FOXP1: variants seen among roughly 807,000 people sequenced by gnomAD.
The protein encoded by FOXP1 is forkhead box P1, also known as forkhead box protein P1.
FOXP1 carries 15 observed loss-of-function variants against 98.2 expected under a neutral mutation model. That is an observed-to-expected ratio of 0.15 (90% CI 0.10 to 0.24). The LOEUF (loss-of-function observed/expected upper bound fraction) is 0.24, where lower values mean the gene tolerates loss of function less well. Ranked by LOEUF, FOXP1 falls within the 10% of genes least tolerant of loss-of-function variation. The pLI is 1.00. For missense variants in FOXP1, 633 were observed against 848.5 expected, an observed-to-expected ratio of 0.75 and a Z score of 3.15; for synonymous variants, 371 against 314.5, an observed-to-expected ratio of 1.18 and a Z score of -1.90.
intron 5 of FOXP1, among the ~76,000 whole-genome samples, chr3:71,214,139 C>T (rs573702383): frequency 6.6e-6 from 1 of 152,216 alleles, no homozygotes; most frequent in Admixed American, 6.5e-5. Flanking sequence ...GAGGCAAGTC[C>T]AGCTCTGGCT....
intron 5 of FOXP1, among the ~76,000 whole-genome samples, chr3:71,227,118 A>G (rs1393400576): frequency 6.6e-6 from 1 of 152,102 alleles, no homozygotes; most frequent in Admixed American, 6.5e-5. Context: ...ACTGACACAC[A>G]GTGGCTCAGA....
chr3:71,232,983 C>T (rs11715940), intron 5 of FOXP1, among the ~76,000 whole-genome samples: 1 of 146,800 alleles, frequency 6.8e-6, no homozygotes, highest in Non-Finnish European at 1.5e-5. Context: ...ACTACTACTA[C>T]TAATAATAAT....
intron 6 of FOXP1, 186 bp downstream of exon 6, chr3:71,198,016 C>G: frequency 1.2e-6 from 2 of 1,614,250 alleles, no homozygotes; most frequent in Non-Finnish European, 8.5e-7. Context: ...TGAAATTAGT[C>G]TCTTAAGCCA....
chr3:71,064,798 G>C (rs888189390), intron 7 of FOXP1: 7 of 984,846 alleles, frequency 7.1e-6, no homozygotes, highest in Non-Finnish European at 8.4e-6. Context: ...GAGCGAAACC[G>C]GCAAAGATCA....
intron 3 of FOXP1, among the ~76,000 whole-genome samples, chr3:71,429,440 C>A (rs903345432): frequency 7.8e-6 from 1 of 127,428 alleles, no homozygotes; most frequent in Non-Finnish European, 1.5e-5. Flanking sequence ...GGCAGCGAGG[C>A]GGAACTCAGC....
chr3:71,425,631 G>C (rs748106121), intron 3 of FOXP1, among the ~76,000 whole-genome samples: 6 of 151,792 alleles, frequency 4.0e-5, no homozygotes, highest in Non-Finnish European at 5.9e-5. Context: ...ACAAGGAGAA[G>C]CTTTGAACTC....
At chr3:71,097,928 T>C (rs1233010960) in intron 7 of FOXP1, among the ~76,000 whole-genome samples, 1 of 152,200 alleles carries the variant, frequency 6.6e-6, no homozygotes. Context: ...CTCAAAAATA[T>C]AAATTTGAAG....
chr3:71,080,461 G>C (rs2054289612), intron 7 of FOXP1, among the ~76,000 whole-genome samples: 2 of 152,210 alleles, frequency 1.3e-5, no homozygotes, highest in African/African-American at 4.8e-5. Flanking sequence ...TGGAGACAGA[G>C]AATAGGAGCT....
intron 2 of FOXP1, among the ~76,000 whole-genome samples, chr3:71,569,846 G>A (rs886753269): frequency 6.6e-6 from 1 of 151,064 alleles, no homozygotes; most frequent in African/African-American, 2.4e-5. Context: ...CCAGTGGCGC[G>A]ATCTCAGCTC....
chr3:71,573,869 T>A (rs2047527363), intron 2 of FOXP1: 1 of 152,190 alleles, frequency 6.6e-6, no homozygotes, highest in South Asian at 2.1e-4. Context: ...AGGTCTGTCA[T>A]TGATTCCCTA....
chr3:71,393,912 G>A (rs1481397921), intron 3 of FOXP1, among the ~76,000 whole-genome samples: 1 of 152,126 alleles, frequency 6.6e-6, no homozygotes. Flanking sequence ...CCAGGCTGGT[G>A]TTGAACTCCT....
chr3:71,360,175 G>T (rs1474819365), intron 3 of FOXP1, among the ~76,000 whole-genome samples: 9 of 152,078 alleles, frequency 5.9e-5, no homozygotes, highest in Admixed American at 5.9e-4. Context: ...AGATCCATAG[G>T]TCCAAATGAT....
intron 7 of FOXP1, among the ~76,000 whole-genome samples, chr3:71,109,151 G>A (rs556756636): frequency 6.6e-6 from 1 of 152,268 alleles, no homozygotes; most frequent in East Asian, 1.9e-4. Context: ...CATCACCCAA[G>A]AATGTGACCA....
intron 2 of FOXP1, among the ~76,000 whole-genome samples, chr3:71,562,632 T>G (rs1340057526): frequency 1.3e-5 from 2 of 152,146 alleles, no homozygotes; most frequent in Admixed American, 1.3e-4. Context: ...CAGGTACCTA[T>G]TATCAACAAC....
chr3:71,489,379 T>C (rs868105172), intron 3 of FOXP1, among the ~76,000 whole-genome samples: 4 of 152,180 alleles, frequency 2.6e-5, no homozygotes, highest in Non-Finnish European at 4.4e-5. Flanking sequence ...TTTCACCAGA[T>C]CTACCAGCAA....
chr3:71,422,116 A>G (rs1293955214), intron 3 of FOXP1, among the ~76,000 whole-genome samples: 1 of 152,232 alleles, frequency 6.6e-6, no homozygotes, highest in Non-Finnish European at 1.5e-5. Context: ...AACAGGAAAC[A>G]TTAACTCACC....
At chr3:71,223,854 A>T (rs1010360247) in intron 5 of FOXP1, among the ~76,000 whole-genome samples, 1 of 152,174 alleles carries the variant, frequency 6.6e-6, no homozygotes, top group Non-Finnish European at 1.5e-5. Flanking sequence ...AAAGCCTAAT[A>T]GTACTGGATA....
chr3:71,088,385 A>ATTGTT (rs1223274121), intron 7 of FOXP1, among the ~76,000 whole-genome samples: 10 of 136,852 alleles, frequency 7.3e-5, no homozygotes, highest in East Asian at 5.7e-4. Context: ...GTGGTGATAC[A>ATTGTT]TTGTTTTGTT....
chr3:71,216,056 G>T (rs975572202), intron 5 of FOXP1, among the ~76,000 whole-genome samples: 1 of 152,170 alleles, frequency 6.6e-6, no homozygotes, highest in Admixed American at 6.5e-5. Context: ...AGTGCACCTG[G>T]CACGTGTCTA....
Sources: gnomAD v4.1 joint callset for allele counts (sites outside exome capture counted in the v4.1 genomes callset) on GRCh38, gnomAD v4.1.1 for gene constraint, MANE v1.5 for transcripts, NCBI Gene and HGNC (gene_info 2026-07-23, HGNC 2026-07-21) for gene names.